The following TBCK variants were observed in gnomAD, a reference collection of about 807,000 sequenced individuals.
TBCK encodes the protein TBC1 domain containing kinase.
Under a neutral mutation model 113.4 loss-of-function variants are expected in TBCK, and 99 were observed. The observed-to-expected ratio is 0.87, with a 90% CI of 0.74 to 1.03. The LOEUF is 1.03. TBCK is among the 50% of genes least tolerant of loss of function. The pLI, the probability that TBCK is intolerant of heterozygous loss-of-function variation, is 0.00. For missense variants in TBCK, 1,045 were observed against 1,061.3 expected, an observed-to-expected ratio of 0.98 and a Z score of 0.21; for synonymous variants, 369 against 370.8, an observed-to-expected ratio of 1.00 and a Z score of 0.05.
At chr4:106,066,632 T>G (rs532695934) in intron 25 of TBCK, among the ~76,000 whole-genome samples, 1 of 151,796 alleles carries the variant, frequency 6.6e-6, no homozygotes, top group Admixed American at 6.6e-5. Flanking sequence ...TATTTCCAAT[T>G]TTTTTCATCA....
chr4:106,079,270 A>AGG (rs1447647348), intron 25 of TBCK, among the ~76,000 whole-genome samples: 1 of 152,222 alleles, frequency 6.6e-6, no homozygotes, highest in East Asian at 1.9e-4. Context: ...GAACAAGACA[A>AGG]GGATGCCTGT....
rs748306279 is a variant in TBCK at position 106,230,451 on chromosome 4, A to C, written c.1691-5T>G. The C allele has an allele frequency of 6.3e-7, 1 of 1,585,392 alleles. No homozygotes were observed. Among genetic ancestry groups the C allele is most frequent in the Non-Finnish European group, 8.6e-7 (1 of 1,160,150 alleles). ...ACATACATGCATAAGCCAAGGCTAA[A>C]AGAGAATAAGGCAAAGGCATGTAAA... On this transcript the variant is annotated splice_region_variant and splice_polypyrimidine_tract_variant and intron_variant, in intron 18 of 25. Transcript: ENST00000394708.
At chr4:106,078,730 T>G (rs1222405947) in intron 25 of TBCK, among the ~76,000 whole-genome samples, 1 of 138,924 alleles carries the variant, frequency 7.2e-6, no homozygotes, top group Non-Finnish European at 1.6e-5. Context: ...GTCAGTCCTA[T>G]TCTAACTATT....
intron 24 of TBCK, among the ~76,000 whole-genome samples, chr4:106,100,864 T>C (rs528010623): frequency 2.0e-5 from 3 of 152,328 alleles, no homozygotes; most frequent in South Asian, 2.1e-4. Flanking sequence ...ACTTCCTAAA[T>C]GTGTCTGTCT....
chr4:106,244,028 T>C (rs981365263), intron 11 of TBCK, among the ~76,000 whole-genome samples: 2 of 152,132 alleles, frequency 1.3e-5, no homozygotes, highest in African/African-American at 2.4e-5. Flanking sequence ...TCAAGAAATT[T>C]AGGTTCATAT....
chr4:106,197,733 C>A (rs1405765991), intron 20 of TBCK, among the ~76,000 whole-genome samples: 4 of 151,910 alleles, frequency 2.6e-5, no homozygotes, highest in Non-Finnish European at 5.9e-5. Context: ...CTTAACTGCA[C>A]CCAATCACAC....
chr4:106,245,727 A>G (rs1302127743), intron 10 of TBCK, among the ~76,000 whole-genome samples: 1 of 152,228 alleles, frequency 6.6e-6, no homozygotes, highest in African/African-American at 2.4e-5. Context: ...CTCTGTTAAT[A>G]AAATCATAGG....
intron 23 of TBCK, among the ~76,000 whole-genome samples, chr4:106,149,250 C>T (rs934324648): frequency 6.6e-6 from 1 of 152,218 alleles, no homozygotes; most frequent in African/African-American, 2.4e-5. Context: ...TTCTTATCAT[C>T]TGTTGTTCAC....
intron 20 of TBCK, among the ~76,000 whole-genome samples, chr4:106,201,764 G>A (rs1484008356): frequency 6.6e-6 from 1 of 151,984 alleles, no homozygotes; most frequent in Non-Finnish European, 1.5e-5. Context: ...CTACTACAAA[G>A]AGGAGTCCCT....
intron 25 of TBCK, among the ~76,000 whole-genome samples, chr4:106,076,671 G>A (rs768624066): frequency 2.1e-4 from 32 of 152,100 alleles, no homozygotes; most frequent in Non-Finnish European, 3.8e-4. Context: ...AGACCTTTCC[G>A]CAGAAACTTT....
chr4:106,104,856 C>G (rs1741955915), intron 24 of TBCK, among the ~76,000 whole-genome samples: 1 of 152,234 alleles, frequency 6.6e-6, no homozygotes, highest in Admixed American at 6.5e-5. Flanking sequence ...TCTGGAAAAT[C>G]CGAGATGACT....
chr4:106,144,877 GC>G (rs1747580895), intron 23 of TBCK, among the ~76,000 whole-genome samples: 1 of 151,942 alleles, frequency 6.6e-6, no homozygotes, highest in Non-Finnish European at 1.5e-5. Flanking sequence ...TACAAAATTA[GC>G]CAGGCATGGT....
At chr4:106,076,986 C>G (rs1327887635) in intron 25 of TBCK, among the ~76,000 whole-genome samples, 1 of 152,046 alleles carries the variant, frequency 6.6e-6, no homozygotes, top group African/African-American at 2.4e-5. Context: ...CACCTGTAGT[C>G]CCAGCTACTT....
At chr4:106,077,049 T>A (rs988229533) in intron 25 of TBCK, among the ~76,000 whole-genome samples, 1 of 152,036 alleles carries the variant, frequency 6.6e-6, no homozygotes, top group Admixed American at 6.6e-5. Context: ...TGCAGTGAGC[T>A]GAGATTGTAC....
chr4:106,171,210 CTTTTAGGAG>C lies in TBCK; in HGVS notation c.2111_2119del (p.Thr704_Lys706del), dbSNP rs748334567. 1 of 1,612,524 alleles carries C rather than the reference CTTTTAGGAG, an allele frequency of 6.2e-7. No homozygotes were observed. The highest frequency in any genetic ancestry group is 1.1e-5 in the South Asian group (1 of 90,844). On this transcript the variant is annotated inframe_deletion, in exon 23 of 26. Transcript: ENST00000394708. ...TTGAGCATGCTGTCTGTAAGTAGCA[CTTTTAGGAG>C]TCCAACAAAACAGGTTGATAGATTC...
At chr4:106,250,244 G>C (rs1333131145) in intron 7 of TBCK, among the ~76,000 whole-genome samples, 174 bp downstream of exon 7, 1 of 151,998 alleles carries the variant, frequency 6.6e-6, no homozygotes, top group Non-Finnish European at 1.5e-5. Flanking sequence ...TAATATTTTA[G>C]AAGGGACCTC....
intron 22 of TBCK, among the ~76,000 whole-genome samples, chr4:106,177,029 A>T (rs1751751577): frequency 1.3e-5 from 2 of 151,158 alleles, no homozygotes; most frequent in African/African-American, 2.4e-5. Context: ...TACAGACATG[A>T]TCATAGACTA....
intron 21 of TBCK, among the ~76,000 whole-genome samples, chr4:106,194,511 A>G (rs1477865094): frequency 1.3e-5 from 2 of 152,006 alleles, no homozygotes; most frequent in South Asian, 2.1e-4. Flanking sequence ...GAAATGTCCA[A>G]TAGGTTTTTA....
In TBCK at chr4:106,196,849, GCTAA is replaced by G. The variant is rs372779889; in HGVS notation, c.1861-2099_1861-2096del. ...ATTACCTTCTCCCTTTTTGATGAAA[GCTAA>G]CTGTCATTAAGAATCTTCTTCAAAT... On this transcript the variant is annotated intron_variant, in intron 20 of 25. Coordinates refer to ENST00000394708, the MANE Select transcript of TBCK (RefSeq NM_001163435.3). 2.6e-3 allele frequency among the ~76,000 whole-genome samples: 393 copies of G among 152,048 alleles called. 4 individuals are homozygous for G. Among genetic ancestry groups the G allele is most frequent in the African/African-American group, 9.1e-3 (376 of 41,502 alleles).
Sources: allele counts gnomAD v4.1 joint callset (sites outside exome capture counted in the v4.1 genomes callset), GRCh38; gene constraint gnomAD v4.1.1; transcripts MANE v1.5; gene names NCBI Gene and HGNC (gene_info 2026-07-23, HGNC 2026-07-21).